Variants in CFAP61 observed in about 807,000 individuals in gnomAD.
CFAP61 encodes cilia and flagella associated protein 61.
In CFAP61, 107 loss-of-function variants were observed where a neutral mutation model predicts 135.6. The ratio of observed to expected loss-of-function variants is 0.79; its 90% CI spans 0.67 to 0.93. CFAP61 has a LOEUF of 0.93. Among genes scored for constraint, CFAP61 ranks in the 40% least tolerant of loss-of-function variants. The probability of loss-of-function intolerance (pLI) is 0.00; values close to 1 mark genes in which losing one functional copy is unlikely to be tolerated. For synonymous variants in CFAP61, 575 were observed against 578.5 expected (o/e 0.99, Z 0.09); for missense variants, 1,507 against 1,556.2 (o/e 0.97, Z 0.53).
intron 8 of CFAP61, among the ~76,000 whole-genome samples, chr20:20,110,473 C>T (rs773844422): frequency 6.6e-6 from 1 of 151,944 alleles, no homozygotes; most frequent in Non-Finnish European, 1.5e-5. Context: ...GATTAGAATG[C>T]GGAAACAAAA....
At chr20:20,175,674 C>T (rs2054574954) in intron 13 of CFAP61, among the ~76,000 whole-genome samples, 1 of 147,430 alleles carries the variant, frequency 6.8e-6, no homozygotes, top group South Asian at 2.2e-4. Context: ...CTACAGGTGC[C>T]CACCATGACA....
chr20:20,338,290 C>T (rs2058315224), intron 25 of CFAP61, among the ~76,000 whole-genome samples: 1 of 152,194 alleles, frequency 6.6e-6, no homozygotes, highest in Admixed American at 6.5e-5. Context: ...CTAAGGAAAC[C>T]CGCAGGCCTC....
At chr20:20,229,556 TG>T (rs1220442630) in intron 18 of CFAP61, among the ~76,000 whole-genome samples, 2 of 151,954 alleles carry the variant, frequency 1.3e-5, no homozygotes, top group Non-Finnish European at 2.9e-5. Flanking sequence ...TCAGGACAGG[TG>T]GGGCCTTGTG....
intron 26 of CFAP61, among the ~76,000 whole-genome samples, chr20:20,350,212 G>T (rs980140247): frequency 6.6e-6 from 1 of 152,188 alleles, no homozygotes; most frequent in Admixed American, 6.5e-5. Context: ...GGGGAAAATG[G>T]GAACTGAATT....
intron 13 of CFAP61, among the ~76,000 whole-genome samples, chr20:20,176,564 G>A (rs1287757709): frequency 6.6e-6 from 1 of 152,200 alleles, no homozygotes; most frequent in Non-Finnish European, 1.5e-5. Context: ...CAGGGACATG[G>A]ATGGAGCTGG....
At chr20:20,269,142 T>C (rs78966363) in intron 21 of CFAP61, among the ~76,000 whole-genome samples, 15,385 of 84,972 alleles carry the variant, frequency 0.18, 2,294 homozygotes, top group African/African-American at 0.41. Context: ...TATATATATA[T>C]ATATACACAC....
intron 13 of CFAP61, among the ~76,000 whole-genome samples, chr20:20,178,938 A>G (rs555549997): frequency 1.3e-5 from 2 of 152,264 alleles, no homozygotes; most frequent in African/African-American, 4.8e-5. Flanking sequence ...TCATGATTCT[A>G]TTACAAAGAT....
intron 17 of CFAP61, chr20:20,215,030 T>G (rs1264894013): frequency 1.3e-5 from 2 of 152,226 alleles, no homozygotes; most frequent in Non-Finnish European, 2.9e-5. Context: ...CTTCTTAACT[T>G]TTTTTTCTTC....
At chr20:20,080,953 G>A (rs2046390184) in intron 6 of CFAP61, among the ~76,000 whole-genome samples, 1 of 151,770 alleles carries the variant, frequency 6.6e-6, no homozygotes, top group Non-Finnish European at 1.5e-5. Context: ...AGTGATCCGA[G>A]ATTGTGCCAT....
intron 22 of CFAP61, among the ~76,000 whole-genome samples, chr20:20,285,236 A>C (rs2054493548): frequency 1.4e-5 from 2 of 147,346 alleles, no homozygotes; most frequent in South Asian, 4.3e-4. Flanking sequence ...TAGCAATTTG[A>C]TGCTGTGGGT....
intron 10 of CFAP61, among the ~76,000 whole-genome samples, chr20:20,162,412 G>A (rs1317527435): frequency 6.6e-6 from 1 of 152,118 alleles, no homozygotes; most frequent in African/African-American, 2.4e-5. Context: ...AAACTGACAG[G>A]CCCAAGGAAA....
intron 8 of CFAP61, among the ~76,000 whole-genome samples, chr20:20,115,568 A>C (rs2049080857): frequency 6.6e-6 from 1 of 151,866 alleles, no homozygotes; most frequent in Non-Finnish European, 1.5e-5. Context: ...ACCCATTACA[A>C]ATTTTCCTCT....
At chr20:20,084,679 G>A (rs11907196) in intron 6 of CFAP61, among the ~76,000 whole-genome samples, 7,357 of 152,216 alleles carry the variant, frequency 0.048, 564 homozygotes, top group African/African-American at 0.16. Flanking sequence ...TCTGGATGTC[G>A]CGGTGCTCCT....
intron 25 of CFAP61, among the ~76,000 whole-genome samples, chr20:20,305,196 T>C (rs2056398660): frequency 6.6e-6 from 1 of 152,238 alleles, no homozygotes; most frequent in Non-Finnish European, 1.5e-5. Context: ...GTGTTCTAAA[T>C]GGGATTTGAG....
chr20:20,245,935 C>T (rs867609667), intron 18 of CFAP61, among the ~76,000 whole-genome samples, 182 bp from the exon 19 acceptor site: 10 of 152,188 alleles, frequency 6.6e-5, no homozygotes, highest in Admixed American at 2.6e-4. Flanking sequence ...GCAGCTCCAG[C>T]GCCATCTTCC....
At chr20:20,323,342 C>A in intron 25 of CFAP61, 1 of 980,380 alleles carries the variant, frequency 1.0e-6, no homozygotes, top group Non-Finnish European at 1.2e-6. Context: ...CAGTCCCCTA[C>A]TTTCAAACAC....
Position 20,298,267 on chromosome 20 carries a change from G to T in CFAP61, c.3303G>T (p.Thr1101=), listed in dbSNP as rs781243966. ...AGTATAAAATGGTGGAAACCATCACGTGCCTTTCTAGGGAGCCCTTCCCCG... is the reference window on the plus strand; with the variant it reads ...AGTATAAAATGGTGGAAACCATCACTTGCCTTTCTAGGGAGCCCTTCCCCG... The part of the protein sequence containing the change: ...INKYKMVETI[T]CLSREPFPAS... Residue 1101 remains threonine (T), a synonymous_variant, in exon 25 of 27, where the codon ACG becomes ACT. Coordinates refer to ENST00000245957, the MANE Select transcript of CFAP61 (RefSeq NM_015585.4). 1 of 1,613,922 alleles carries T rather than the reference G, an allele frequency of 6.2e-7. No homozygotes were observed. Among genetic ancestry groups the T allele is most frequent in the Non-Finnish European group, 8.5e-7 (1 of 1,179,898 alleles).
chr20:20,221,049 G>A (rs1287538816), intron 17 of CFAP61: 1 of 152,094 alleles, frequency 6.6e-6, no homozygotes, highest in East Asian at 1.9e-4. Flanking sequence ...TTCCTTGTGT[G>A]TTCACCCCCA....
intron 25 of CFAP61, among the ~76,000 whole-genome samples, chr20:20,340,412 C>T (rs1056026993): frequency 9.2e-5 from 14 of 152,024 alleles, no homozygotes; most frequent in African/African-American, 2.7e-4. Context: ...AGGGCAGTGA[C>T]GCTCTTCTGC....
Sources: gnomAD v4.1 joint callset for allele counts (sites outside exome capture counted in the v4.1 genomes callset) on GRCh38, gnomAD v4.1.1 for gene constraint, MANE v1.5 for transcripts, NCBI Gene and HGNC (gene_info 2026-07-23, HGNC 2026-07-21) for gene names.